PTPRA: variants seen among roughly 807,000 people sequenced by gnomAD.
The protein encoded by PTPRA is protein tyrosine phosphatase receptor type A.
A neutral mutation model predicts 104.8 loss-of-function variants in PTPRA; 25 were observed. The ratio of observed to expected loss-of-function variants is 0.24; its 90% CI spans 0.17 to 0.33. PTPRA has a LOEUF of 0.33. PTPRA is among the 10% of genes least tolerant of loss of function. The pLI is 1.00. For missense variants in PTPRA, 765 were observed against 1,015.3 expected, an observed-to-expected ratio of 0.75 and a Z score of 3.35; for synonymous variants, 323 against 368.9, an observed-to-expected ratio of 0.88 and a Z score of 1.43.
chr20:3,015,422 C>T (rs1287668265), intron 11 of PTPRA, among the ~76,000 whole-genome samples: 1 of 151,632 alleles, frequency 6.6e-6, no homozygotes, highest in Non-Finnish European at 1.5e-5. Flanking sequence ...ATTCTCTTGC[C>T]TTAGCCACCC....
intron 1 of PTPRA, among the ~76,000 whole-genome samples, chr20:2,884,009 C>G (rs2090225546): frequency 6.6e-6 from 1 of 152,116 alleles, no homozygotes; most frequent in Non-Finnish European, 1.5e-5. Context: ...CCTTTTGTAG[C>G]TGGCTTCTTT....
At chr20:3,014,462 A>T (rs946934664) in intron 11 of PTPRA, among the ~76,000 whole-genome samples, 21 of 152,080 alleles carry the variant, frequency 1.4e-4, no homozygotes, top group African/African-American at 5.1e-4. Flanking sequence ...ACATGGTGAA[A>T]CCCCATCTCT....
intron 5 of PTPRA, among the ~76,000 whole-genome samples, chr20:2,966,487 T>C (rs1354338206): frequency 6.6e-6 from 1 of 152,230 alleles, no homozygotes; most frequent in African/African-American, 2.4e-5. Context: ...ATTGCTCTGA[T>C]AGTTACCAGT....
intron 2 of PTPRA, among the ~76,000 whole-genome samples, 167 bp from the exon 3 acceptor site, chr20:2,947,815 A>G (rs979351350): frequency 6.6e-6 from 1 of 152,226 alleles, no homozygotes; most frequent in African/African-American, 2.4e-5. Flanking sequence ...GGTGACTTGC[A>G]GCCTAATTTT....
chr20:2,932,830 T>C (rs1302804111), intron 2 of PTPRA, among the ~76,000 whole-genome samples: 1 of 152,228 alleles, frequency 6.6e-6, no homozygotes, highest in African/African-American at 2.4e-5. Context: ...TTTCTGTAGA[T>C]TAGGGAGTTG....
rs768700250 is a variant in PTPRA, at chr20:2,975,206, A to G, written c.416-9A>G. 3.2e-6 allele frequency: 5 copies of G among 1,586,698 alleles called. No individual in the cohort carries two copies. The highest frequency in any genetic ancestry group is 3.5e-6 in the Non-Finnish European group (4 of 1,157,694). On this transcript the variant is annotated splice_polypyrimidine_tract_variant and intron_variant, in intron 5 of 23. Transcript: ENST00000399903. Reference sequence around the variant, plus strand: ...GAATGAATGTTTCTATTTTTTACTTATTACACAGGTAATTCTGACTCGAAG... The same window carrying G: ...GAATGAATGTTTCTATTTTTTACTTGTTACACAGGTAATTCTGACTCGAAG...
chr20:2,938,366 A>G (rs2060783901), intron 2 of PTPRA, among the ~76,000 whole-genome samples: 1 of 151,952 alleles, frequency 6.6e-6, no homozygotes, highest in African/African-American at 2.4e-5. Flanking sequence ...TTGTATTTTT[A>G]GTACAGATGG....
intron 1 of PTPRA, among the ~76,000 whole-genome samples, chr20:2,910,117 T>A (rs867053513): frequency 8.2e-6 from 1 of 121,754 alleles, no homozygotes; most frequent in Admixed American, 1.0e-4. Flanking sequence ...TAATATATGA[T>A]GTATAGTATA....
chr20:2,948,763 A>G (rs948167790), intron 3 of PTPRA, among the ~76,000 whole-genome samples: 4 of 152,142 alleles, frequency 2.6e-5, no homozygotes, highest in Non-Finnish European at 4.4e-5. Flanking sequence ...CATCCTGGCT[A>G]ACACAGTGAA....
chr20:3,004,353 T>G (rs1428948815), intron 9 of PTPRA, among the ~76,000 whole-genome samples: 1 of 152,218 alleles, frequency 6.6e-6, no homozygotes, highest in African/African-American at 2.4e-5. Context: ...ACCTAGAAAT[T>G]TTAACAGATG....
At chr20:3,009,332 TGTG>T (rs1331631046) in intron 11 of PTPRA, among the ~76,000 whole-genome samples, 2 of 152,010 alleles carry the variant, frequency 1.3e-5, no homozygotes, top group Admixed American at 6.6e-5. Flanking sequence ...GCAGAGGACA[TGTG>T]GTACTCAGAC....
At chr20:2,943,221 C>G (rs1442905049) in intron 2 of PTPRA, among the ~76,000 whole-genome samples, 1 of 148,072 alleles carries the variant, frequency 6.8e-6, no homozygotes, top group Non-Finnish European at 1.5e-5. Context: ...CCACCCCCCC[C>G]CCAGATAAGG....
intron 3 of PTPRA, among the ~76,000 whole-genome samples, chr20:2,958,913 G>C (rs1016415558): frequency 6.6e-6 from 1 of 151,826 alleles, no homozygotes; most frequent in Non-Finnish European, 1.5e-5. Flanking sequence ...TTTGCATATG[G>C]CATTCTTGAG....
chr20:2,963,589 G>A (rs935552358), intron 3 of PTPRA, among the ~76,000 whole-genome samples: 5 of 151,466 alleles, frequency 3.3e-5, no homozygotes, highest in East Asian at 3.9e-4. Flanking sequence ...GCAAGACTCC[G>A]TCTCAAAAAA....
At chr20:2,966,415 T>C (rs1048646946) in intron 5 of PTPRA, among the ~76,000 whole-genome samples, 1 of 152,236 alleles carries the variant, frequency 6.6e-6, no homozygotes, top group African/African-American at 2.4e-5. Flanking sequence ...AAAGCACTTA[T>C]AAAGGTGCCT....
At chr20:3,027,306 C>T in intron 19 of PTPRA, 109 bp downstream of exon 19, 3 of 1,156,062 alleles carry the variant, frequency 2.6e-6, no homozygotes, top group Non-Finnish European at 3.8e-6. Flanking sequence ...TTGAATCAGT[C>T]AACAAATAGT....
At chr20:2,866,802 C>G in the PTPRA span, 1 of 597,240 alleles carries the variant, frequency 1.7e-6, no homozygotes, top group African/African-American at 1.9e-5. Context: ...GACACCACAG[C>G]AAAACTCCAT....
intron 1 of PTPRA, among the ~76,000 whole-genome samples, chr20:2,879,758 TGTTA>T (rs2089946701): frequency 1.3e-5 from 2 of 152,226 alleles, no homozygotes; most frequent in Admixed American, 1.3e-4. Flanking sequence ...ATACTCACTG[TGTTA>T]GTTACTTACA....
At position 2,924,572 on chromosome 20, in the gene PTPRA, G is replaced by A. The variant is rs376329122; in HGVS notation, c.-50+1287G>A. Among the ~76,000 whole-genome samples the A allele has an allele frequency of 1.2e-4, 18 of 152,270 alleles. No homozygotes were observed. In the East Asian group the frequency reaches 3.3e-3, roughly 28 times the overall value. On this transcript the variant is annotated intron_variant, in intron 2 of 23. Transcript: ENST00000399903. Reference sequence around the variant, plus strand: ...AAAAAGTAGATGTAGCAGAATTACCGAGTAAAACTAAACTACAGTGATAAA... The same window carrying A: ...AAAAAGTAGATGTAGCAGAATTACCAAGTAAAACTAAACTACAGTGATAAA...
Sources: gnomAD v4.1 joint callset for allele counts (sites outside exome capture counted in the v4.1 genomes callset) on GRCh38, gnomAD v4.1.1 for gene constraint, MANE v1.5 for transcripts, NCBI Gene and HGNC (gene_info 2026-07-23, HGNC 2026-07-21) for gene names.